The following TNNT2 variants were observed in gnomAD, a reference collection of about 807,000 sequenced individuals.
TNNT2 encodes troponin T2, cardiac type, also known as troponin T, cardiac muscle.
In TNNT2, 34 loss-of-function variants were observed where a neutral mutation model predicts 62.4. The ratio of observed to expected loss-of-function variants is 0.54; its 90% CI spans 0.41 to 0.72. The LOEUF is 0.72. TNNT2 is among the 30% of genes least tolerant of loss of function. TNNT2 has a pLI of 0.00. For missense variants in TNNT2, 275 were observed against 381.9 expected (o/e 0.72, Z 2.33); for synonymous variants, 123 against 127.2 (o/e 0.97, Z 0.22).
intron 14 of TNNT2, 81 bp downstream of exon 14, chr1:201,361,832 C>G: frequency 7.6e-7 from 1 of 1,320,692 alleles, no homozygotes; most frequent in Non-Finnish European, 1.1e-6. Flanking sequence ...TCTGGTGGCT[C>G]ACAGCAAGAA....
chr1:201,361,251 G>T, intron 15 of TNNT2, 28 bp downstream of exon 15: 1 of 1,608,706 alleles, frequency 6.2e-7, no homozygotes, highest in Non-Finnish European at 8.5e-7. Context: ...AGATGGAGAT[G>T]CTGGGCGGGG....
Position 201,366,947 on chromosome 1 carries a change from G to A in TNNT2, c.200-76C>T, listed in dbSNP as rs1167432932. 5.6e-6 allele frequency: 9 copies of A among 1,611,706 alleles called. No homozygotes were observed. In the African/African-American group the frequency reaches 1.2e-4, roughly 22 times the overall value. On this transcript the variant is annotated intron_variant, in intron 7 of 16. Coordinates refer to ENST00000656932, the MANE Select transcript of TNNT2 (RefSeq NM_001276345.2). ...TCCCAACTCCGCCCTCGATGAGCTA[G>A]ATCCCTGTGGATTTCCATTTCCCCA...
chr1:201,367,551 T>C, intron 7 of TNNT2: 1 of 640,054 alleles, frequency 1.6e-6, no homozygotes, highest in South Asian at 1.8e-5. Context: ...TGGTCCCCTC[T>C]CCCACTGGGT....
At chr1:201,376,203 G>A (rs1247310123) in intron 1 of TNNT2, among the ~76,000 whole-genome samples, 1 of 152,110 alleles carries the variant, frequency 6.6e-6, no homozygotes, top group Admixed American at 6.5e-5. Flanking sequence ...ACGTTCACAG[G>A]GTCACCTTTC....
chr1:201,364,503 G>A (rs757737525), intron 10 of TNNT2, 128 bp from the exon 11 acceptor site: 53 of 1,001,572 alleles, frequency 5.3e-5, no homozygotes, highest in Non-Finnish European at 8.0e-5. Flanking sequence ...TGAAGCAATG[G>A]TGCCCGGCCT....
chr1:201,366,115 AG>A, intron 8 of TNNT2: 1 of 1,086,756 alleles, frequency 9.2e-7, no homozygotes, highest in Non-Finnish European at 1.1e-6. Context: ...ACTGAGACCC[AG>A]GGGGTTCTCT....
Position 201,365,171 on chromosome 1 carries a change from T to C in TNNT2, c.411+20A>G. ...GACTGGGCCATCAGAGAATGTTAGG[T>C]GGGCAGACTGGACACCTACGATCCT... On this transcript the variant is annotated intron_variant, in intron 10 of 16. Transcript: ENST00000656932. 1 of 1,583,002 alleles carries C rather than the reference T, an allele frequency of 6.3e-7. No homozygotes were observed. Among genetic ancestry groups the C allele is most frequent in the East Asian group, 2.2e-5 (1 of 44,752 alleles).
intron 15 of TNNT2, 50 bp downstream of exon 15, chr1:201,361,229 A>G (rs754790885): frequency 1.3e-6 from 2 of 1,569,334 alleles, no homozygotes; most frequent in South Asian, 1.1e-5. Flanking sequence ...CCAGTGAACC[A>G]GGAGGAGTGT....
chr1:201,375,718 G>A (rs114047009), intron 1 of TNNT2, among the ~76,000 whole-genome samples: 1,614 of 152,304 alleles, frequency 0.011, 26 homozygotes, highest in African/African-American at 0.034. Context: ...AGCCCCAGGA[G>A]AAGCTTGTCC....
At position 201,372,139 on chromosome 1, in the gene TNNT2, G is replaced by A. The variant is rs397516472; in HGVS notation, c.52+6C>T. 15 of 1,614,018 alleles carry A rather than the reference G, an allele frequency of 9.3e-6. No homozygotes were observed. The highest frequency in any genetic ancestry group is 4.5e-5 in the East Asian group (2 of 44,902). On this transcript the variant is annotated splice_donor_region_variant and intron_variant, in intron 3 of 16. Transcript: ENST00000656932. The stretch of plus-strand genomic sequence containing the variant: ...GATCCAAATGAGTACACACGTTTAC[G>A]CTTACCTTCCTGCTCCCTGAGAGCA...
At chr1:201,371,942 G>T in intron 4 of TNNT2, 85 bp downstream of exon 4, 1 of 1,564,584 alleles carries the variant, frequency 6.4e-7, no homozygotes, top group East Asian at 2.2e-5. Flanking sequence ...AGCAGGGACA[G>T]ATGAGCTGCT....
At chr1:201,363,221 A>C in intron 12 of TNNT2, 75 bp downstream of exon 12, 1 of 1,611,590 alleles carries the variant, frequency 6.2e-7, no homozygotes, top group Non-Finnish European at 8.5e-7. Flanking sequence ...CCTAAAGTCT[A>C]CCTGCTGCAG....
chr1:201,365,897 G>C (rs1379336088), intron 8 of TNNT2: 1 of 1,391,696 alleles, frequency 7.2e-7, no homozygotes, highest in African/African-American at 1.4e-5. Context: ...TCATGCTCAT[G>C]ATATGCCCAT....
At chr1:201,373,376 G>C in intron 1 of TNNT2, 108 bp from the exon 2 acceptor site, 5 of 950,138 alleles carry the variant, frequency 5.3e-6, no homozygotes, top group Non-Finnish European at 8.5e-6. Context: ...GGTGAATCTA[G>C]TTCCACCCCT....
chr1:201,365,387 A>G (rs1181853375), intron 9 of TNNT2, 80 bp from the exon 10 acceptor site: 16 of 1,332,890 alleles, frequency 1.2e-5, no homozygotes, highest in African/African-American at 4.3e-5. Context: ...ACACCCCCCA[A>G]CGCAGTGCAA....
Position 201,365,325 on chromosome 1 carries a change from C to A in TNNT2, c.295-18G>T. 6.2e-7 allele frequency: 1 copy of A among 1,602,920 alleles called. No individual in the cohort carries two copies. Among genetic ancestry groups the A allele is most frequent in the South Asian group, 1.1e-5 (1 of 90,854 alleles). Reference sequence around the variant, plus strand: ...TGGATGTCCTGTGGGTGGACCGCTGCGGCTCAGAGGCTGCCACTCCAAAGA... The same window carrying A: ...TGGATGTCCTGTGGGTGGACCGCTGAGGCTCAGAGGCTGCCACTCCAAAGA... On this transcript the variant is annotated intron_variant, in intron 9 of 16. Transcript: ENST00000656932.
intron 2 of TNNT2, 179 bp downstream of exon 2, chr1:201,373,035 A>G (rs1479586265): frequency 5.4e-6 from 4 of 745,898 alleles, no homozygotes; most frequent in Non-Finnish European, 7.3e-6. Context: ...TCTGCCTGGG[A>G]TCTACAACCC....
intron 1 of TNNT2, among the ~76,000 whole-genome samples, chr1:201,377,154 G>A (rs996434875): frequency 8.5e-5 from 13 of 152,192 alleles, no homozygotes; most frequent in Non-Finnish European, 1.5e-4. Flanking sequence ...CTGCAGTCTC[G>A]CTCTGCTCCC....
rs529468471 is a variant in TNNT2, at chr1:201,365,730, C to G, written c.234-60G>C. The G allele has an allele frequency of 1.1e-5, 18 of 1,597,930 alleles. 1 individual carries two copies. The Admixed American group carries it at 2.1e-4, about 18-fold the overall frequency. The stretch of plus-strand genomic sequence containing the variant: ...TTCTGGACCCAGGGACTGAGGGTGT[C>G]CAGGACAGGCAGGGCCCTGATCCTT... On this transcript the variant is annotated intron_variant, in intron 8 of 16. Coordinates refer to ENST00000656932, the MANE Select transcript of TNNT2 (RefSeq NM_001276345.2).
Sources: gnomAD v4.1 joint callset for allele counts (sites outside exome capture counted in the v4.1 genomes callset) on GRCh38, gnomAD v4.1.1 for gene constraint, MANE v1.5 for transcripts, NCBI Gene and HGNC (gene_info 2026-07-23, HGNC 2026-07-21) for gene names.